MRPS35: variants seen among roughly 807,000 people sequenced by gnomAD.
MRPS35 encodes the protein small ribosomal subunit protein mS35.
Under a neutral mutation model 32.7 loss-of-function variants are expected in MRPS35, and 29 were observed. The ratio of observed to expected loss-of-function variants is 0.89; its 90% CI spans 0.66 to 1.21. The LOEUF (loss-of-function observed/expected upper bound fraction) is 1.21. Among genes scored for constraint, MRPS35 ranks in the 50% most tolerant of loss-of-function variants. The pLI is 0.00. For missense variants in MRPS35, 373 were observed against 383.8 expected (o/e 0.97, Z 0.23); for synonymous variants, 148 against 139.3 (o/e 1.06, Z -0.44).
At chr12:27,716,756 G>A (rs1320210952) in intron 3 of MRPS35, among the ~76,000 whole-genome samples, 4 of 152,176 alleles carry the variant, frequency 2.6e-5, no homozygotes, top group Non-Finnish European at 4.4e-5. Context: ...GGGAGGCCGA[G>A]GTGGGCAGAT....
intron 3 of MRPS35, among the ~76,000 whole-genome samples, chr12:27,717,331 A>G (rs1034951374): frequency 1.3e-5 from 2 of 152,206 alleles, no homozygotes; most frequent in Non-Finnish European, 2.9e-5. Context: ...ATTATTTAGT[A>G]TTATTATTAT....
intron 7 of MRPS35, among the ~76,000 whole-genome samples, chr12:27,752,479 A>G (rs946562042): frequency 3.9e-5 from 6 of 152,238 alleles, no homozygotes; most frequent in African/African-American, 1.2e-4. Flanking sequence ...ACTTAAAAAT[A>G]CTAAATAGTT....
chr12:27,713,475 G>A (rs2061836175), intron 1 of MRPS35, among the ~76,000 whole-genome samples: 1 of 152,218 alleles, frequency 6.6e-6, no homozygotes, highest in African/African-American at 2.4e-5. Context: ...GAAGGCCTAA[G>A]AACTCAGGGG....
chr12:27,748,630 G>T (rs2061989339), intron 7 of MRPS35, among the ~76,000 whole-genome samples: 1 of 151,978 alleles, frequency 6.6e-6, no homozygotes, highest in African/African-American at 2.4e-5. Flanking sequence ...ATATGCTGTT[G>T]TTTGTGCTTT....
At chr12:27,731,631 C>T (rs147170674) in intron 5 of MRPS35, among the ~76,000 whole-genome samples, 3,725 of 152,144 alleles carry the variant, frequency 0.024, 137 homozygotes, top group African/African-American at 0.085. Context: ...TCCAGTGGCG[C>T]GATCTTGGCT....
chr12:27,716,852 G>A (rs565699478), intron 3 of MRPS35, among the ~76,000 whole-genome samples: 46 of 152,210 alleles, frequency 3.0e-4, no homozygotes, highest in Admixed American at 5.2e-4. Context: ...TTAGCCAGAC[G>A]TGGTGGTGGG....
At position 27,716,291 on chromosome 12, in the gene MRPS35, G is replaced by T; in HGVS notation, c.154G>T (p.Ala52Ser). 6.4e-7 allele frequency: 1 copy of T among 1,561,260 alleles called. No homozygotes were observed. The highest frequency in any genetic ancestry group is 1.2e-5 in the South Asian group (1 of 80,084). Reference sequence around the variant, plus strand: ...TACTAAACGATTTTATATTTCTTAGGCACTACCTCCTAGGACAGAGAAAAT... The same window carrying T: ...TACTAAACGATTTTATATTTCTTAGTCACTACCTCCTAGGACAGAGAAAAT... ...PGNERPPRRKALPPRTEKMAV... is the reference protein window; with the variant it reads ...PGNERPPRRKSLPPRTEKMAV... The change falls in exon 3 of 8, where the codon GCA becomes TCA. Residue 52 changes from alanine (A) to serine (S), a missense_variant and splice_region_variant. By Grantham distance (99) the Ala-to-Ser change is moderately conservative (BLOSUM62 1). Transcript: ENST00000081029.
chr12:27,726,057 G>A (rs890278597), intron 5 of MRPS35, among the ~76,000 whole-genome samples: 2 of 152,046 alleles, frequency 1.3e-5, no homozygotes, highest in Non-Finnish European at 2.9e-5. Flanking sequence ...CGATCTGCCT[G>A]CCTTGGGCTC....
intron 5 of MRPS35, among the ~76,000 whole-genome samples, chr12:27,726,016 C>T (rs556060003): frequency 1.4e-5 from 2 of 145,410 alleles, no homozygotes; most frequent in South Asian, 4.8e-4. Flanking sequence ...TGCCATGATG[C>T]CCAGGCTGGT....
At chr12:27,739,998 A>G (rs2061957719) in intron 7 of MRPS35, among the ~76,000 whole-genome samples, 1 of 152,210 alleles carries the variant, frequency 6.6e-6, no homozygotes, top group South Asian at 2.1e-4. Flanking sequence ...AGAATTCTAT[A>G]TTACCGTTGT....
Position 27,755,336 on chromosome 12 carries a change from T to TA in MRPS35, c.861dup (p.Glu288ArgfsTer3). On this transcript the variant is annotated frameshift_variant, in exon 8 of 8. Coordinates refer to ENST00000081029, the MANE Select transcript of MRPS35 (RefSeq NM_021821.4). LOFTEE classifies it low-confidence loss of function (END_TRUNC). Reference sequence around the variant, plus strand: ...TAAATAAAGAAGAGCTCCTTGGTACTAAAGAAATTGAAGAGTACAAAAAGT... The same window carrying TA: ...TAAATAAAGAAGAGCTCCTTGGTACTAAAAGAAATTGAAGAGTACAAAAAGT... 1 of 1,610,760 alleles carries TA rather than the reference T, an allele frequency of 6.2e-7. No homozygotes were observed. Among genetic ancestry groups the TA allele is most frequent in the Non-Finnish European group, 8.5e-7 (1 of 1,179,374 alleles).
chr12:27,713,933 C>T (rs1223425751), intron 1 of MRPS35, among the ~76,000 whole-genome samples: 1 of 151,728 alleles, frequency 6.6e-6, no homozygotes, highest in African/African-American at 2.4e-5. Flanking sequence ...CAAGAATTAG[C>T]CGGGTGTGCT....
intron 6 of MRPS35, 86 bp downstream of exon 6, chr12:27,735,642 T>C (rs2061940700): frequency 6.3e-6 from 6 of 951,846 alleles, no homozygotes; most frequent in Non-Finnish European, 6.6e-6. Flanking sequence ...AAAGAAACTA[T>C]ATTGAAGATG....
At chr12:27,719,647 T>G (rs1372569757) in intron 3 of MRPS35, among the ~76,000 whole-genome samples, 161 bp from the exon 4 acceptor site, 2 of 146,042 alleles carry the variant, frequency 1.4e-5, no homozygotes, top group African/African-American at 5.1e-5. Flanking sequence ...CAGTCCGGCC[T>G]GGGCGACAGA....
intron 4 of MRPS35, among the ~76,000 whole-genome samples, chr12:27,723,214 G>A (rs184266850): frequency 1.3e-5 from 2 of 152,092 alleles, no homozygotes; most frequent in African/African-American, 4.8e-5. Context: ...ATTGAAACAG[G>A]ACAAGATGAA....
intron 7 of MRPS35, among the ~76,000 whole-genome samples, chr12:27,741,947 G>A (rs111961633): frequency 7.2e-5 from 11 of 152,078 alleles, no homozygotes; most frequent in African/African-American, 2.7e-4. Context: ...GTAATAAAAT[G>A]GTTCTGAAAA....
intron 4 of MRPS35, among the ~76,000 whole-genome samples, chr12:27,721,450 G>T (rs2061874741): frequency 6.6e-6 from 1 of 152,128 alleles, no homozygotes; most frequent in African/African-American, 2.4e-5. Flanking sequence ...TTGAGCTCAG[G>T]AGTTCAAGAC....
chr12:27,743,192 T>G (rs2061970409), intron 7 of MRPS35, among the ~76,000 whole-genome samples: 1 of 151,542 alleles, frequency 6.6e-6, no homozygotes, highest in Admixed American at 6.6e-5. Flanking sequence ...CGTGAAAGAG[T>G]AAACCATCCT....
At chr12:27,732,727 C>T (rs1021399921) in intron 5 of MRPS35, among the ~76,000 whole-genome samples, 4 of 152,044 alleles carry the variant, frequency 2.6e-5, no homozygotes, top group African/African-American at 9.6e-5. Flanking sequence ...TTCAAAAGTG[C>T]TTTATTCTAT....
Sources: allele counts gnomAD v4.1 joint callset (sites outside exome capture counted in the v4.1 genomes callset), GRCh38; gene constraint gnomAD v4.1.1; transcripts MANE v1.5; gene names NCBI Gene and HGNC (gene_info 2026-07-23, HGNC 2026-07-21).